OMA1: variants seen among roughly 807,000 people sequenced by gnomAD.
OMA1 encodes metalloendopeptidase OMA1, mitochondrial.
Under a neutral mutation model 30.9 loss-of-function variants are expected in OMA1, and 38 were observed. The observed-to-expected ratio is 1.23, with a 90% CI of 0.95 to 1.61. The LOEUF (loss-of-function observed/expected upper bound fraction) is 1.61, where lower values mean the gene tolerates loss of function less well. Ranked by LOEUF, OMA1 falls within the 40% of genes most tolerant of loss-of-function variation. OMA1 has a pLI of 0.00. For synonymous variants in OMA1, 173 were observed against 121.9 expected (o/e 1.42, Z -2.76); for missense variants, 461 against 349.2 (o/e 1.32, Z -2.55).
intron 3 of OMA1, among the ~76,000 whole-genome samples, chr1:58,535,219 A>G (rs1170492039): frequency 6.6e-6 from 1 of 152,226 alleles, no homozygotes; most frequent in Non-Finnish European, 1.5e-5. Context: ...AGTTATATTC[A>G]TGAGAGCTCT....
chr1:58,544,631 G>A (rs1480615132), intron 1 of OMA1, among the ~76,000 whole-genome samples: 3 of 152,070 alleles, frequency 2.0e-5, no homozygotes, highest in Non-Finnish European at 4.4e-5. Flanking sequence ...TCACTTTGTC[G>A]TTGTCCAGGC....
intron 8 of OMA1, among the ~76,000 whole-genome samples, chr1:58,486,078 T>C (rs1040327003): frequency 2.0e-5 from 3 of 152,202 alleles, no homozygotes; most frequent in Admixed American, 1.3e-4. Context: ...TTTCACTGCG[T>C]GAGGTATTTT....
chr1:58,496,169 C>CTTTTT (rs375006213), intron 8 of OMA1, among the ~76,000 whole-genome samples: 1 of 144,928 alleles, frequency 6.9e-6, no homozygotes, highest in East Asian at 2.1e-4. Flanking sequence ...TTTTTTTAGA[C>CTTTTT]TTTTTTTTTT....
At chr1:58,534,960 G>A (rs1159714268) in intron 3 of OMA1, among the ~76,000 whole-genome samples, 1 of 152,056 alleles carries the variant, frequency 6.6e-6, no homozygotes, top group Non-Finnish European at 1.5e-5. Flanking sequence ...AAGAAAAGGA[G>A]AGCCTGGAGA....
At chr1:58,532,076 C>T (rs1265710391) in intron 5 of OMA1, among the ~76,000 whole-genome samples, 1 of 151,990 alleles carries the variant, frequency 6.6e-6, no homozygotes, top group African/African-American at 2.4e-5. Flanking sequence ...AAGAGAAAGC[C>T]CTTGTTATTA....
At chr1:58,490,137 C>T (rs1569876944) in intron 8 of OMA1, among the ~76,000 whole-genome samples, 1 of 152,128 alleles carries the variant, frequency 6.6e-6, no homozygotes, top group South Asian at 2.1e-4. Context: ...GACGATCAAA[C>T]TACTCTGAGC....
At chr1:58,544,996 A>G (rs1646678368) in intron 1 of OMA1, among the ~76,000 whole-genome samples, 1 of 152,094 alleles carries the variant, frequency 6.6e-6, no homozygotes, top group Non-Finnish European at 1.5e-5. Context: ...CTGCACTGCG[A>G]AGTGTTGGGA....
At chr1:58,492,750 G>A (rs1311488788) in intron 8 of OMA1, among the ~76,000 whole-genome samples, 1 of 152,050 alleles carries the variant, frequency 6.6e-6, no homozygotes, top group Non-Finnish European at 1.5e-5. Context: ...CCAATAACAG[G>A]ATCTGAAATT....
intron 8 of OMA1, among the ~76,000 whole-genome samples, chr1:58,489,028 C>T (rs1223217344): frequency 6.6e-6 from 1 of 152,362 alleles, no homozygotes; most frequent in South Asian, 2.1e-4. Flanking sequence ...ACGCAGAAGA[C>T]GAACGATTTC....
chr1:58,544,048 A>T (rs1646663991), intron 1 of OMA1, among the ~76,000 whole-genome samples: 1 of 152,230 alleles, frequency 6.6e-6, no homozygotes, highest in Admixed American at 6.5e-5. Context: ...TACTGATGTG[A>T]ATGCAGATTC....
At chr1:58,505,652 AAT>A (rs1356326289) in intron 8 of OMA1, among the ~76,000 whole-genome samples, 3 of 152,188 alleles carry the variant, frequency 2.0e-5, no homozygotes, top group Non-Finnish European at 4.4e-5. Flanking sequence ...TACTACAATT[AAT>A]ATCCACTTGA....
At chr1:58,520,394 T>G (rs1011408675) in intron 7 of OMA1, among the ~76,000 whole-genome samples, 1 of 152,070 alleles carries the variant, frequency 6.6e-6, no homozygotes, top group Non-Finnish European at 1.5e-5. Context: ...CTTGCCCAAT[T>G]TGAAAATGGG....
intron 7 of OMA1, among the ~76,000 whole-genome samples, chr1:58,511,103 T>C (rs1292448913): frequency 6.6e-6 from 1 of 152,182 alleles, no homozygotes; most frequent in Non-Finnish European, 1.5e-5. Flanking sequence ...ATTGGCACTT[T>C]TCTTATAGAA....
At chr1:58,522,093 T>TA (rs546500747) in intron 7 of OMA1, among the ~76,000 whole-genome samples, 7 of 151,978 alleles carry the variant, frequency 4.6e-5, no homozygotes, top group Admixed American at 2.6e-4. Context: ...AACTTAACTT[T>TA]AAAAAAAATT....
intron 8 of OMA1, among the ~76,000 whole-genome samples, chr1:58,488,140 G>A (rs925541270): frequency 1.4e-4 from 21 of 152,060 alleles, no homozygotes; most frequent in African/African-American, 4.6e-4. Flanking sequence ...AAAAACTCAT[G>A]AAAATATAAC....
At chr1:58,527,689 T>C (rs747692752) in intron 6 of OMA1, among the ~76,000 whole-genome samples, 2 of 152,212 alleles carry the variant, frequency 1.3e-5, no homozygotes, top group Non-Finnish European at 2.9e-5. Context: ...AGGAATATTT[T>C]GACCTTGAGT....
At chr1:58,516,248 G>A (rs922817232) in intron 7 of OMA1, among the ~76,000 whole-genome samples, 1 of 152,116 alleles carries the variant, frequency 6.6e-6, no homozygotes, top group Admixed American at 6.5e-5. Flanking sequence ...ACCACTAAAA[G>A]AATATCAGTT....
Position 58,539,035 on chromosome 1 carries a change from C to CT in OMA1, c.259dup (p.Ser87LysfsTer2), listed in dbSNP as rs1240808383. On this transcript the variant is annotated frameshift_variant, in exon 2 of 9. Coordinates refer to ENST00000371226, the MANE Select transcript of OMA1 (RefSeq NM_145243.5). LOFTEE classifies it high-confidence loss of function. ...GCTGGTAATCCTCCAAATTTCCTTA[C>CT]TTTTGGTACTTGAGAGGCCTCCTGT... The CT allele has an allele frequency of 6.9e-6, 6 of 872,848 alleles. No homozygotes were observed. Among genetic ancestry groups the CT allele is most frequent in the Non-Finnish European group, 1.2e-5 (6 of 501,634 alleles). The allele number at this position is 872,848 out of a possible 1,614,324, so 54.1% of individuals were successfully genotyped here. A position where few individuals can be genotyped will look rare whatever the true frequency, so the allele number is the denominator to read the frequency against.
At chr1:58,541,048 G>A (rs1275539712) in intron 1 of OMA1, among the ~76,000 whole-genome samples, 2 of 151,856 alleles carry the variant, frequency 1.3e-5, no homozygotes, top group Non-Finnish European at 1.5e-5. Flanking sequence ...GGTGGCTCAC[G>A]CCTGTAATCC....
Sources: allele counts gnomAD v4.1 joint callset (sites outside exome capture counted in the v4.1 genomes callset), GRCh38; gene constraint gnomAD v4.1.1; transcripts MANE v1.5; gene names NCBI Gene and HGNC (gene_info 2026-07-23, HGNC 2026-07-21).